Variants in TSHZ3 observed in about 807,000 individuals in gnomAD.
TSHZ3 encodes teashirt zinc finger homeobox 3.
In TSHZ3, 10 loss-of-function variants were observed where a neutral mutation model predicts 64.5. The ratio of observed to expected loss-of-function variants is 0.16; its 90% CI spans 0.10 to 0.26. TSHZ3 has a LOEUF of 0.26. TSHZ3 is among the 10% of genes least tolerant of loss of function. The probability of loss-of-function intolerance (pLI) is 1.00; values close to 1 mark genes in which losing one functional copy is unlikely to be tolerated. For missense variants in TSHZ3, 1,242 were observed against 1,421.7 expected (o/e 0.87, Z 2.03); for synonymous variants, 608 against 593.1 (o/e 1.03, Z -0.36).
At chr19:31,177,800 A>G (rs1230525600) in intron 5 of TSHZ3, among the ~76,000 whole-genome samples, 2 of 152,240 alleles carry the variant, frequency 1.3e-5, no homozygotes, top group African/African-American at 4.8e-5. Flanking sequence ...TGAAGCTCAC[A>G]GCAACCCAAG....
chr19:31,226,792 A>C (rs1975468533), intron 4 of TSHZ3, among the ~76,000 whole-genome samples: 1 of 151,902 alleles, frequency 6.6e-6, no homozygotes, highest in Middle Eastern at 3.2e-3. Context: ...TAGTCACAGC[A>C]CCCCTTTCAG....
intron 1 of TSHZ3, among the ~76,000 whole-genome samples, chr19:31,243,551 G>T (rs910359991): frequency 6.6e-6 from 1 of 152,172 alleles, no homozygotes; most frequent in African/African-American, 2.4e-5. Flanking sequence ...AGCCCGGCAG[G>T]CTGGTATTAT....
intron 5 of TSHZ3, among the ~76,000 whole-genome samples, chr19:31,180,067 C>A (rs1418292290): frequency 1.6e-4 from 25 of 152,116 alleles, no homozygotes; most frequent in Non-Finnish European, 2.9e-5. Flanking sequence ...CTGGTCCTGG[C>A]AATTTGTATT....
intron 3 of TSHZ3, among the ~76,000 whole-genome samples, chr19:31,232,304 A>C (rs1398965779): frequency 6.6e-6 from 1 of 152,168 alleles, no homozygotes; most frequent in Non-Finnish European, 1.5e-5. Context: ...CAATGAATAA[A>C]TGAACGCTTT....
chr19:31,248,861 C>T lies in TSHZ3; in HGVS notation n.64-5986G>A, dbSNP rs1451415241. Among the ~76,000 whole-genome samples the T allele has an allele frequency of 2.6e-5, 4 of 150,996 alleles. No individual in the cohort carries two copies. The South Asian group carries it at 8.4e-4, about 32-fold the overall frequency. ...AATATCTGGATTCAGGTTCAAATGT[C>T]GGCCAAGAGAAAGGAGGACAGTAAG... On this transcript the variant is annotated intron_variant and non_coding_transcript_variant, in intron 1 of 6. Coordinates refer to the TSHZ3 transcript ENST00000651361.
intron 3 of TSHZ3, among the ~76,000 whole-genome samples, chr19:31,228,224 C>T (rs1354270694): frequency 6.6e-6 from 1 of 152,106 alleles, no homozygotes; most frequent in Non-Finnish European, 1.5e-5. Flanking sequence ...CCTGAATTCA[C>T]CAATACAAAT....
intron 1 of TSHZ3, among the ~76,000 whole-genome samples, chr19:31,280,506 C>T (rs571163741): frequency 6.6e-5 from 10 of 152,246 alleles, no homozygotes; most frequent in African/African-American, 2.4e-4. Context: ...CCGTTCTCAG[C>T]CACCTGTGCA....
At chr19:31,191,979 T>C (rs891326483) in intron 5 of TSHZ3, among the ~76,000 whole-genome samples, 7 of 152,308 alleles carry the variant, frequency 4.6e-5, no homozygotes, top group East Asian at 1.9e-4. Flanking sequence ...ATATAACATA[T>C]AAAGTAAGAT....
At chr19:31,190,074 A>G (rs1353535) in intron 5 of TSHZ3, among the ~76,000 whole-genome samples, 99 of 152,010 alleles carry the variant, frequency 6.5e-4, no homozygotes, top group African/African-American at 2.4e-3. Flanking sequence ...GTTTTTCTTG[A>G]AGTAGCATAT....
intron 1 of TSHZ3, among the ~76,000 whole-genome samples, chr19:31,256,539 C>T (rs1370020935): frequency 2.0e-5 from 3 of 152,206 alleles, no homozygotes; most frequent in African/African-American, 7.2e-5. Context: ...GGCAGAGGCG[C>T]TCTGATGCTG....
In TSHZ3 at chr19:31,278,377, C is replaced by G; in HGVS notation, c.1416G>C (p.Lys472Asn). The G allele has an allele frequency of 6.2e-7, 1 of 1,614,148 alleles. No individual in the cohort carries two copies. Among genetic ancestry groups the G allele is most frequent in the South Asian group, 1.1e-5 (1 of 91,078 alleles). Residue 472 changes from lysine to asparagine, a missense_variant, in exon 2 of 2, where the codon AAG (lysine) becomes AAC (asparagine). Lys to Asn is a moderately conservative substitution (Grantham distance 94). This residue lies in a region of TSHZ3 where 555 missense variants were observed against 704.0 expected (regional missense o/e 0.79). Coordinates refer to ENST00000240587, the MANE Select transcript of TSHZ3 (RefSeq NM_020856.4). The surrounding 1 kb of genome is among the most constrained non-coding windows in gnomAD (Gnocchi z 4.7). ...TGACCGCTTTCTCCTTGTCGACTTC[C>G]TTCTTGACCTCCACATTCAGTTTTG... ...ISPKLNVEVK[K>N]EVDKEKAVTD...
intron 1 of TSHZ3, among the ~76,000 whole-genome samples, chr19:31,285,072 G>T (rs555340396): frequency 6.6e-6 from 1 of 152,162 alleles, no homozygotes; most frequent in African/African-American, 2.4e-5. Context: ...GGTCTCTGGG[G>T]TAGACAGGAT....
intron 1 of TSHZ3, among the ~76,000 whole-genome samples, chr19:31,315,730 C>T (rs561664170): frequency 6.6e-6 from 1 of 152,306 alleles, no homozygotes; most frequent in South Asian, 2.1e-4. Context: ...ATTTAGACTG[C>T]AAAACACAAA....
intron 1 of TSHZ3, among the ~76,000 whole-genome samples, chr19:31,326,601 C>T (rs1407998033): frequency 1.3e-5 from 2 of 152,260 alleles, no homozygotes; most frequent in African/African-American, 4.8e-5. Flanking sequence ...CTCCCCTCAT[C>T]TATCGCTGTA....
At chr19:31,177,659 A>T (rs1488639749) in intron 5 of TSHZ3, among the ~76,000 whole-genome samples, 2 of 152,226 alleles carry the variant, frequency 1.3e-5, no homozygotes, top group African/African-American at 4.8e-5. Flanking sequence ...TTTGCTGTAA[A>T]ATGTAACAGT....
At chr19:31,151,780 A>G (rs1229465292) in intron 6 of TSHZ3, among the ~76,000 whole-genome samples, 1 of 151,992 alleles carries the variant, frequency 6.6e-6, no homozygotes, top group Non-Finnish European at 1.5e-5. Flanking sequence ...ACAAAAATAC[A>G]CTCGTGAAAT....
chr19:31,237,432 C>T (rs2145180986), intron 3 of TSHZ3, among the ~76,000 whole-genome samples: 1 of 152,116 alleles, frequency 6.6e-6, no homozygotes, highest in Non-Finnish European at 1.5e-5. Context: ...TATTAACATT[C>T]TACAGGATAT....
At chr19:31,232,156 A>C (rs935127965) in intron 3 of TSHZ3, among the ~76,000 whole-genome samples, 3 of 152,144 alleles carry the variant, frequency 2.0e-5, no homozygotes, top group Admixed American at 1.3e-4. Context: ...AAGATGCCAC[A>C]GCCTTCTCCA....
intron 4 of TSHZ3, among the ~76,000 whole-genome samples, chr19:31,214,771 G>A (rs1198913854): frequency 6.6e-6 from 1 of 152,030 alleles, no homozygotes; most frequent in Non-Finnish European, 1.5e-5. Flanking sequence ...AGCCGGGCGT[G>A]GTGGCGGGCG....
Sources: gnomAD v4.1 joint callset for allele counts (sites outside exome capture counted in the v4.1 genomes callset) on GRCh38, gnomAD v4.1.1 for gene constraint, gnomAD v4.1.1 regional missense constraint, Gnocchi (gnomAD v3.1) non-coding constraint, MANE v1.5 for transcripts, NCBI Gene and HGNC (gene_info 2026-07-23, HGNC 2026-07-21) for gene names.